Variants in MMP20 observed in about 807,000 individuals in gnomAD.
MMP20 encodes matrix metalloproteinase-20.
Under a neutral mutation model 51.8 loss-of-function variants are expected in MMP20, and 50 were observed. The ratio of observed to expected loss-of-function variants is 0.97; its 90% CI spans 0.77 to 1.22. The LOEUF (loss-of-function observed/expected upper bound fraction) is 1.22. Ranked by LOEUF, MMP20 falls within the 50% of genes most tolerant of loss-of-function variation. MMP20 has a pLI of 0.00. For synonymous variants in MMP20, 244 were observed against 216.2 expected (o/e 1.13, Z -1.13); for missense variants, 663 against 601.4 (o/e 1.10, Z -1.07).
chr11:102,615,749 C>G (rs1306595337), intron 2 of MMP20, among the ~76,000 whole-genome samples: 1 of 152,142 alleles, frequency 6.6e-6, no homozygotes, highest in Non-Finnish European at 1.5e-5. Context: ...GCCAGTCTGT[C>G]CACTCTCTGC....
chr11:102,594,313 T>C (rs1859353399), intron 7 of MMP20, among the ~76,000 whole-genome samples: 2 of 152,238 alleles, frequency 1.3e-5, no homozygotes, highest in African/African-American at 4.8e-5. Context: ...CAGTAGAGTA[T>C]ACACTGTCAC....
At chr11:102,617,789 A>G (rs773970792) in intron 1 of MMP20, among the ~76,000 whole-genome samples, 2 of 152,206 alleles carry the variant, frequency 1.3e-5, no homozygotes, top group Non-Finnish European at 2.9e-5. Flanking sequence ...ACACTTTTCT[A>G]TGACTCAGGG....
At chr11:102,597,994 C>CT (rs34756547) in intron 6 of MMP20, among the ~76,000 whole-genome samples, 77,955 of 151,664 alleles carry the variant, frequency 0.51, 20,555 homozygotes, top group South Asian at 0.67. Context: ...CTCGAACTCC[C>CT]GACCTCAGGT....
chr11:102,593,719 C>T, intron 7 of MMP20, 124 bp from the exon 8 acceptor site: 1 of 1,102,460 alleles, frequency 9.1e-7, no homozygotes, highest in African/African-American at 1.6e-5. Context: ...TGGCTATAAC[C>T]CAACAAGAGA....
intron 6 of MMP20, among the ~76,000 whole-genome samples, chr11:102,599,436 C>T (rs7342216): frequency 0.019 from 2,964 of 152,188 alleles, 85 homozygotes; most frequent in African/African-American, 0.067. Flanking sequence ...TGTGTGACCT[C>T]GTGTGAGTCA....
rs763349241 is a variant in MMP20 at position 102,593,577 on chromosome 11, G to T, written c.1109C>A (p.Thr370Lys). The change falls in exon 8 of 10, where the codon ACA becomes AAA. Residue 370 changes from threonine (T) to lysine (K), a missense_variant. Thr to Lys is a moderately conservative substitution (Grantham distance 78). Transcript: ENST00000260228. ...AGGACCTTGCATTTGGAATCCTCTT[G>T]TTATCCAGTAGTGGGGACCTGAAAA... ...YFFKGPHYWI[T>K]RGFQMQGPPR... The T allele has an allele frequency of 1.2e-6, 2 of 1,614,112 alleles. No homozygotes were observed. The highest frequency in any genetic ancestry group is 1.7e-6 in the Non-Finnish European group (2 of 1,179,984).
intron 4 of MMP20, among the ~76,000 whole-genome samples, chr11:102,609,655 A>G (rs1040901325): frequency 8.5e-5 from 13 of 152,218 alleles, no homozygotes; most frequent in African/African-American, 3.1e-4. Context: ...AAACGAGAGC[A>G]GTGCGTTGAG....
intron 6 of MMP20, among the ~76,000 whole-genome samples, chr11:102,604,535 G>C (rs899747459): frequency 6.6e-6 from 1 of 152,126 alleles, no homozygotes; most frequent in Non-Finnish European, 1.5e-5. Flanking sequence ...GACACTATGT[G>C]TCTGGCACAT....
intron 8 of MMP20, among the ~76,000 whole-genome samples, chr11:102,584,517 G>A (rs781155110): frequency 2.0e-5 from 3 of 152,026 alleles, no homozygotes; most frequent in Non-Finnish European, 4.4e-5. Context: ...ATATATTCTA[G>A]ACACAAGTTC....
chr11:102,580,727 C>A (rs1162229507), intron 8 of MMP20, among the ~76,000 whole-genome samples: 1 of 152,222 alleles, frequency 6.6e-6, no homozygotes, highest in African/African-American at 2.4e-5. Context: ...TAAGTAAGAA[C>A]ATTACCATTT....
At chr11:102,594,896 T>A in intron 6 of MMP20, 139 bp from the exon 7 acceptor site, 6 of 1,083,820 alleles carry the variant, frequency 5.5e-6, no homozygotes, top group Non-Finnish European at 7.6e-6. Flanking sequence ...TGCCTTGTTT[T>A]TTTTCTCTTT....
At chr11:102,593,672 G>T in intron 7 of MMP20, 77 bp from the exon 8 acceptor site, 1 of 1,520,620 alleles carries the variant, frequency 6.6e-7, no homozygotes, top group Non-Finnish European at 9.1e-7. Context: ...TTTCTATGAA[G>T]GCTCTTAAAT....
At chr11:102,589,658 A>C (rs552942523) in intron 8 of MMP20, among the ~76,000 whole-genome samples, 78 of 152,296 alleles carry the variant, frequency 5.1e-4, no homozygotes, top group African/African-American at 1.9e-3. Flanking sequence ...TAAGATTAAC[A>C]CTAGGACTTT....
chr11:102,606,561 C>G lies in MMP20; in HGVS notation c.927G>C (p.Gly309=), dbSNP rs145529899. The change falls in exon 6 of 10, where the codon GGG becomes GGC. Residue 309 remains glycine, a synonymous_variant. Coordinates refer to ENST00000260228, the MANE Select transcript of MMP20 (RefSeq NM_004771.4). ...SSSFDAVTML[G]KELLLFKDRI... is the part of the protein sequence containing the mutation. Reference sequence around the variant, plus strand: ...GGTCCTTGAAGAGCAGGAGCTCCTTCCCCAGCATTGTCACAGCGTCAAAGG... The same window carrying G: ...GGTCCTTGAAGAGCAGGAGCTCCTTGCCCAGCATTGTCACAGCGTCAAAGG... 14 of 1,613,852 alleles carry G rather than the reference C, an allele frequency of 8.7e-6. No homozygotes were observed. Among genetic ancestry groups the G allele is most frequent in the Non-Finnish European group, 1.2e-5 (14 of 1,179,904 alleles).
intron 1 of MMP20, among the ~76,000 whole-genome samples, chr11:102,623,433 T>C (rs991045924): frequency 7.2e-5 from 11 of 152,158 alleles, no homozygotes; most frequent in African/African-American, 2.7e-4. Context: ...ACTGCATGTG[T>C]GAGGGACCTA....
chr11:102,602,947 G>A (rs565857717), intron 6 of MMP20, among the ~76,000 whole-genome samples: 16 of 152,066 alleles, frequency 1.1e-4, no homozygotes, highest in Non-Finnish European at 1.8e-4. Context: ...TAATAAATTT[G>A]TCATCTATTA....
At chr11:102,618,155 A>T (rs938077310) in intron 1 of MMP20, among the ~76,000 whole-genome samples, 1 of 152,304 alleles carries the variant, frequency 6.6e-6, no homozygotes, top group African/African-American at 2.4e-5. Flanking sequence ...TACAAAAAAA[A>T]TGTCTGTTTT....
At chr11:102,605,376 G>A (rs961266302) in intron 6 of MMP20, 1 of 152,074 alleles carries the variant, frequency 6.6e-6, no homozygotes, top group Non-Finnish European at 1.5e-5. Context: ...CAGGTGGTGG[G>A]ATTCTGGGTA....
At chr11:102,608,157 G>T (rs973259161) in intron 5 of MMP20, 1 of 152,188 alleles carries the variant, frequency 6.6e-6, no homozygotes, top group Admixed American at 6.5e-5. Flanking sequence ...GAGAAGCTCT[G>T]ATAATCAGAA....
Sources: gnomAD v4.1 joint callset for allele counts (sites outside exome capture counted in the v4.1 genomes callset) on GRCh38, gnomAD v4.1.1 for gene constraint, MANE v1.5 for transcripts, NCBI Gene and HGNC (gene_info 2026-07-23, HGNC 2026-07-21) for gene names.